The following TMEM170A variants were observed in gnomAD, a reference collection of about 807,000 sequenced individuals.
TMEM170A encodes the protein transmembrane protein 170.
In TMEM170A, 18 loss-of-function variants were observed where a neutral mutation model predicts 12.8. The observed-to-expected ratio is 1.41, with a 90% CI of 0.97 to 2.09. The LOEUF is 2.09. TMEM170A is among the 30% of genes most tolerant of loss of function. The pLI is 0.00. For missense variants in TMEM170A, 220 were observed against 179.9 expected, an observed-to-expected ratio of 1.22 and a Z score of -1.28; for synonymous variants, 107 against 76.2, an observed-to-expected ratio of 1.40 and a Z score of -2.11.
intron 1 of TMEM170A, among the ~76,000 whole-genome samples, chr16:75,455,308 G>A (rs909963325): frequency 7.2e-6 from 1 of 138,334 alleles, no homozygotes; most frequent in Non-Finnish European, 1.5e-5. Flanking sequence ...AGTGAGCCGA[G>A]ATCACGCCAC....
intron 2 of TMEM170A, among the ~76,000 whole-genome samples, chr16:75,450,786 G>A (rs1473811410): frequency 6.6e-6 from 1 of 152,028 alleles, no homozygotes; most frequent in African/African-American, 2.4e-5. Flanking sequence ...AGCCTCCCAC[G>A]TAGTTGGAAC....
intron 1 of TMEM170A, among the ~76,000 whole-genome samples, chr16:75,462,792 A>G (rs1215130139): frequency 6.6e-6 from 1 of 152,190 alleles, no homozygotes; most frequent in East Asian, 1.9e-4. Context: ...TTTTTAAGGA[A>G]AAAAATCTAT....
In TMEM170A at chr16:75,445,234, T is replaced by C. The variant is rs1012711498; in HGVS notation, c.*2324A>G. ...CTTGTTAGGGAATTTGTAAGAATAT[T>C]TGGCTGCATTACAACTCTACTTATA... On this transcript the variant is annotated 3_prime_UTR_variant, in exon 3 of 3. Transcript: ENST00000561878. 6 of 152,264 alleles carry C rather than the reference T, an allele frequency of 3.9e-5. No individual in the cohort carries two copies. Among genetic ancestry groups the C allele is most frequent in the Admixed American group, 1.3e-4 (2 of 15,286 alleles). The allele number at this position is 152,264 out of a possible 1,614,324, so 9.4% of individuals were successfully genotyped here. A position where few individuals can be genotyped will look rare whatever the true frequency, so the allele number is the denominator to read the frequency against.
intron 1 of TMEM170A, among the ~76,000 whole-genome samples, chr16:75,454,972 C>T (rs1036643675): frequency 6.6e-6 from 1 of 152,202 alleles, no homozygotes; most frequent in Non-Finnish European, 1.5e-5. Context: ...TCCATAATAT[C>T]AAAAACTAGA....
chr16:75,463,974 C>G (rs1597460274), intron 1 of TMEM170A, among the ~76,000 whole-genome samples: 1 of 152,228 alleles, frequency 6.6e-6, no homozygotes, highest in Admixed American at 6.5e-5. Flanking sequence ...CAGGCGCCCG[C>G]GATCAGCGAA....
intron 1 of TMEM170A, among the ~76,000 whole-genome samples, chr16:75,456,884 C>G (rs2079808610): frequency 6.6e-6 from 1 of 152,204 alleles, no homozygotes; most frequent in Non-Finnish European, 1.5e-5. Flanking sequence ...CCCAAGCCCC[C>G]ACACAGCACC....
chr16:75,453,650 A>T (rs2079728818), intron 1 of TMEM170A, among the ~76,000 whole-genome samples: 1 of 152,214 alleles, frequency 6.6e-6, no homozygotes, highest in Non-Finnish European at 1.5e-5. Context: ...ATCACCTCCT[A>T]TTAGGATTTC....
chr16:75,463,689 T>A (rs1278640432), intron 1 of TMEM170A, among the ~76,000 whole-genome samples: 2 of 152,214 alleles, frequency 1.3e-5, no homozygotes, highest in Non-Finnish European at 2.9e-5. Context: ...ACCACACAAA[T>A]AACTGTGCCT....
intron 2 of TMEM170A, among the ~76,000 whole-genome samples, chr16:75,448,795 C>T (rs1163768145): frequency 6.6e-6 from 1 of 151,572 alleles, no homozygotes; most frequent in Non-Finnish European, 1.5e-5. Context: ...AGTACAGTGG[C>T]TCAAGCCTAT....
intron 2 of TMEM170A, among the ~76,000 whole-genome samples, chr16:75,448,932 G>A (rs377499084): frequency 3.9e-5 from 6 of 151,934 alleles, no homozygotes; most frequent in African/African-American, 9.7e-5. Context: ...TGTAGTGAAC[G>A]TGCCTGTAAT....
At chr16:75,450,656 C>G (rs1336293638) in intron 2 of TMEM170A, among the ~76,000 whole-genome samples, 1 of 123,704 alleles carries the variant, frequency 8.1e-6, no homozygotes, top group Non-Finnish European at 1.8e-5. Flanking sequence ...CTTTTCTAAG[C>G]AAGAATTCTT....
rs138754159 is a variant in TMEM170A, at chr16:75,449,160, C to T, written c.305-1472G>A. ...CCCCACAAAATGCTCCAACAAAATT[C>T]TCCTTTGTCATAGTGTGTTCATTCA... On this transcript the variant is annotated intron_variant, in intron 2 of 2. Transcript: ENST00000561878. Among the ~76,000 whole-genome samples the T allele has an allele frequency of 3.8e-3, 571 of 152,218 alleles. 4 individuals are homozygous for T. Among genetic ancestry groups the T allele is most frequent in the African/African-American group, 0.012 (507 of 41,536 alleles).
intron 1 of TMEM170A, among the ~76,000 whole-genome samples, chr16:75,453,247 A>G (rs1345849478): frequency 6.6e-6 from 1 of 152,202 alleles, no homozygotes; most frequent in Non-Finnish European, 1.5e-5. Flanking sequence ...TAGCTTGGGC[A>G]ATACAGCGAA....
At chr16:75,456,469 C>T (rs1385027216) in intron 1 of TMEM170A, among the ~76,000 whole-genome samples, 1 of 152,080 alleles carries the variant, frequency 6.6e-6, no homozygotes, top group Non-Finnish European at 1.5e-5. Flanking sequence ...AGCCTGTAAT[C>T]CTGGCGACTC....
At chr16:75,461,743 A>G (rs1234462957) in intron 1 of TMEM170A, among the ~76,000 whole-genome samples, 1 of 152,200 alleles carries the variant, frequency 6.6e-6, no homozygotes, top group African/African-American at 2.4e-5. Flanking sequence ...ATAACACCAG[A>G]CCAGAGTTGG....
chr16:75,449,516 A>G lies in TMEM170A; in HGVS notation c.305-1828T>C, dbSNP rs370409738. On this transcript the variant is annotated intron_variant, in intron 2 of 2. Transcript: ENST00000561878. ...TTATTTTTTGTAGAGACAGGGTCTC[A>G]CTATGTTGCCAAGGCTGGTTTTGAA... is the stretch of plus-strand genomic sequence containing the variant. Among the ~76,000 whole-genome samples, 74 of 152,222 alleles carry G rather than the reference A, an allele frequency of 4.9e-4. 1 individual carries two copies. The South Asian group carries it at 0.011, about 23-fold the overall frequency.
At position 75,444,383 on chromosome 16, in the gene TMEM170A, G is replaced by A. The variant is rs1221759036; in HGVS notation, c.*3175C>T. The stretch of plus-strand genomic sequence containing the variant: ...AGGCAGGAGAATGGCGTGAACCCGG[G>A]AGGCAGAGCTTGCAGTGAGCCGAGA... On this transcript the variant is annotated 3_prime_UTR_variant, in exon 3 of 3. Transcript: ENST00000561878. 4 of 151,884 alleles carry A rather than the reference G, an allele frequency of 2.6e-5. No individual in the cohort carries two copies. Among genetic ancestry groups the A allele is most frequent in the Non-Finnish European group, 5.9e-5 (4 of 68,010 alleles). 9.4% of individuals were successfully genotyped at this position (151,884 alleles called of 1,614,324 possible).
Position 75,447,520 on chromosome 16 carries a change from TA to T in TMEM170A, c.*37del, listed in dbSNP as rs775970292. The T allele has an allele frequency of 5.2e-4, 821 of 1,577,570 alleles. No homozygotes were observed. Among genetic ancestry groups the T allele is most frequent in the Non-Finnish European group, 6.8e-4 (799 of 1,166,596 alleles). ...TAATGTATTCTTTTGGAGGATTCCA[TA>T]AAGTTTAAGTTCAACATCTCAGCAT... On this transcript the variant is annotated 3_prime_UTR_variant, in exon 3 of 3. Transcript: ENST00000561878.
chr16:75,449,564 C>A (rs548486324), intron 2 of TMEM170A, among the ~76,000 whole-genome samples: 24 of 152,248 alleles, frequency 1.6e-4, no homozygotes, highest in African/African-American at 5.8e-4. Flanking sequence ...AGCAATCCTC[C>A]CAAGCTGGCT....
Sources: allele counts gnomAD v4.1 joint callset (sites outside exome capture counted in the v4.1 genomes callset), GRCh38; gene constraint gnomAD v4.1.1; transcripts MANE v1.5; gene names NCBI Gene and HGNC (gene_info 2026-07-23, HGNC 2026-07-21).